Variants in HMMR observed in about 807,000 individuals in gnomAD.
HMMR encodes the protein hyaluronan mediated motility receptor.
A neutral mutation model predicts 101.0 loss-of-function variants in HMMR; 108 were observed. That is an observed-to-expected ratio of 1.07 (90% CI 0.92 to 1.25). The LOEUF (loss-of-function observed/expected upper bound fraction) is 1.25, where lower values mean the gene tolerates loss of function less well. Among genes scored for constraint, HMMR ranks in the 50% most tolerant of loss-of-function variants. The pLI, the probability that HMMR is intolerant of heterozygous loss-of-function variation, is 0.00. For synonymous variants in HMMR, 296 were observed against 276.4 expected (o/e 1.07, Z -0.70); for missense variants, 813 against 788.7 (o/e 1.03, Z -0.37).
chr5:163,478,712 G>A lies in HMMR; in HGVS notation c.1297G>A (p.Ala433Thr). 6.2e-7 allele frequency: 1 copy of A among 1,612,744 alleles called. No homozygotes were observed. The highest frequency in any genetic ancestry group is 2.2e-5 in the East Asian group (1 of 44,848). ...GGAGGCTGAACTGGAGAAAAGTAGT[G>A]CTGCTCATACCCAGGCCACCCTGCT... ...GKEAELEKSS[A>T]AHTQATLLLQ... is the part of the protein sequence containing the mutation. Residue 433 changes from alanine (A) to threonine (T), a missense_variant, in exon 12 of 18, where the codon GCT becomes ACT. Ala to Thr is a moderately conservative substitution (Grantham distance 58, BLOSUM62 0). Coordinates refer to ENST00000393915, the MANE Select transcript of HMMR (RefSeq NM_001142556.2).
Position 163,484,200 on chromosome 5 carries a change from C to G in HMMR, c.1917C>G (p.Ile639Met), listed in dbSNP as rs1340908256. ...LLGHQNLKQK[I>M]KHVVKLKDEN... ...GTCATCAGAATTTGAAACAAAAAAT[C>G]AAGCATGTTGTGAAGTTGAAAGATG... The change falls in exon 16 of 18, where the codon ATC (isoleucine) becomes ATG (methionine). Residue 639 changes from isoleucine (I) to methionine (M), a missense_variant. By Grantham distance (10) the Ile-to-Met change is conservative (BLOSUM62 1). Coordinates refer to ENST00000393915, the MANE Select transcript of HMMR (RefSeq NM_001142556.2). 2.5e-6 allele frequency: 4 copies of G among 1,603,254 alleles called. No individual in the cohort carries two copies. In the African/African-American group the frequency reaches 5.4e-5, roughly 22 times the overall value.
intron 7 of HMMR, among the ~76,000 whole-genome samples, chr5:163,472,222 G>A (rs924494131): frequency 1.3e-5 from 2 of 151,924 alleles, no homozygotes; most frequent in Admixed American, 6.6e-5. Flanking sequence ...AAGAGCATGT[G>A]TGTGTGTTGC....
intron 15 of HMMR, among the ~76,000 whole-genome samples, chr5:163,483,582 A>G (rs908024204): frequency 2.0e-5 from 3 of 152,144 alleles, no homozygotes; most frequent in African/African-American, 7.2e-5. Context: ...TTTAATTGAC[A>G]TAATTTTTTC....
At chr5:163,465,426 A>G (rs1181639497) in intron 3 of HMMR, among the ~76,000 whole-genome samples, 1 of 152,038 alleles carries the variant, frequency 6.6e-6, no homozygotes, top group Non-Finnish European at 1.5e-5. Context: ...CTCTGTCCCC[A>G]CAGGCTCAAG....
chr5:163,486,251 C>T (rs1250467433), intron 16 of HMMR, among the ~76,000 whole-genome samples: 5 of 152,154 alleles, frequency 3.3e-5, no homozygotes, highest in Non-Finnish European at 7.4e-5. Context: ...TAGGTTAAGT[C>T]TTCTAATACA....
At chr5:163,468,719 G>A (rs1381282632) in intron 4 of HMMR, among the ~76,000 whole-genome samples, 1 of 152,118 alleles carries the variant, frequency 6.6e-6, no homozygotes, top group African/African-American at 2.4e-5. Flanking sequence ...GAGATAGCTG[G>A]TAAGTGAGTG....
At chr5:163,477,770 G>T (rs1041637577) in intron 11 of HMMR, among the ~76,000 whole-genome samples, 1 of 151,908 alleles carries the variant, frequency 6.6e-6, no homozygotes, top group Non-Finnish European at 1.5e-5. Context: ...TTTATTAGAT[G>T]GTCTCTAAGA....
In HMMR at chr5:163,460,732, C is replaced by G; in HGVS notation, c.40C>G (p.Pro14Ala). 6.2e-7 allele frequency: 1 copy of G among 1,607,608 alleles called. No individual in the cohort carries two copies. Among genetic ancestry groups the G allele is most frequent in the Non-Finnish European group, 8.5e-7 (1 of 1,176,926 alleles). ...GGCGCCCTTGAAACGATTCAATGAC[C>G]CTTCTGGTGCGTAAGGGGGAAAGAG... Reference protein sequence around the residue: ...PKAPLKRFNDPSGCAPSPGAY... With the variant: ...PKAPLKRFNDASGCAPSPGAY... The change falls in exon 1 of 18, where the codon CCT (proline) becomes GCT (alanine). Residue 14 changes from proline (P) to alanine (A), a missense_variant. Transcript: ENST00000393915.
chr5:163,461,924 T>C (rs926694134), intron 1 of HMMR, among the ~76,000 whole-genome samples: 3 of 152,042 alleles, frequency 2.0e-5, no homozygotes, highest in Non-Finnish European at 4.4e-5. Context: ...GCACAATCAG[T>C]AAGTGGTAGA....
intron 4 of HMMR, among the ~76,000 whole-genome samples, chr5:163,468,341 T>C (rs1056659478): frequency 3.3e-5 from 5 of 152,212 alleles, no homozygotes; most frequent in Admixed American, 1.3e-4. Context: ...GATTGGCAGC[T>C]ACCATACTGG....
chr5:163,463,793 A>G, intron 1 of HMMR, 63 bp from the exon 2 acceptor site: 1 of 614,918 alleles, frequency 1.6e-6, no homozygotes, highest in Non-Finnish European at 2.6e-6. Context: ...TTATTATGAC[A>G]TGTTTTAACT....
chr5:163,485,735 G>A (rs1759457528), intron 16 of HMMR, among the ~76,000 whole-genome samples: 1 of 152,040 alleles, frequency 6.6e-6, no homozygotes, highest in African/African-American at 2.4e-5. Context: ...TTCAAGGTCA[G>A]GAAGATTTAC....
At chr5:163,482,958 A>T (rs1461975290) in intron 13 of HMMR, 62 bp from the exon 14 acceptor site, 2 of 1,474,714 alleles carry the variant, frequency 1.4e-6, no homozygotes, top group East Asian at 2.3e-5. Context: ...AAGAAAAAAA[A>T]AGGAAAAATT....
chr5:163,490,631 A>T, intron 17 of HMMR, 79 bp downstream of exon 17: 1 of 1,093,890 alleles, frequency 9.1e-7, no homozygotes, highest in Non-Finnish European at 1.4e-6. Flanking sequence ...CATCCATTTT[A>T]TGAACTGTGA....
Position 163,461,786 on chromosome 5 carries a change from GA to G in HMMR, c.46+1060del, listed in dbSNP as rs902821024. Among the ~76,000 whole-genome samples the G allele has an allele frequency of 5.9e-4, 85 of 143,624 alleles. 1 individual carries two copies. The highest frequency in any genetic ancestry group is 1.1e-3 in the African/African-American group (42 of 39,446). The allele number at this position is 143,624 out of a possible 152,430, so 94.2% of individuals were successfully genotyped here. A position where few individuals can be genotyped will look rare whatever the true frequency, so the allele number is the denominator to read the frequency against. The stretch of plus-strand genomic sequence containing the variant: ...CGACAGAGCAAGACTCTGTCTTACA[GA>G]AAAAAAAAAAATGCTGTATGCTGGG... On this transcript the variant is annotated intron_variant, in intron 1 of 17. Transcript: ENST00000393915.
intron 12 of HMMR, among the ~76,000 whole-genome samples, chr5:163,482,242 G>A (rs751570669): frequency 8.5e-5 from 13 of 152,114 alleles, no homozygotes; most frequent in Non-Finnish European, 1.5e-4. Flanking sequence ...AATGGTTCCC[G>A]TCTGTCCGCC....
At chr5:163,483,900 T>G (rs1400993608) in intron 15 of HMMR, among the ~76,000 whole-genome samples, 169 bp from the exon 16 acceptor site, 2 of 152,100 alleles carry the variant, frequency 1.3e-5, no homozygotes, top group East Asian at 3.8e-4. Context: ...AAATGAAAAA[T>G]ACAAAGTTTA....
chr5:163,480,950 T>C (rs1759232369), intron 12 of HMMR, among the ~76,000 whole-genome samples: 2 of 152,140 alleles, frequency 1.3e-5, no homozygotes, highest in African/African-American at 4.8e-5. Context: ...TTAAAATATT[T>C]ATCTGTATGT....
chr5:163,471,173 T>C lies in HMMR; in HGVS notation c.463-12T>C. On this transcript the variant is annotated splice_polypyrimidine_tract_variant and intron_variant, in intron 5 of 17. Transcript: ENST00000393915. ...AATATTTCTGAATTTTTTACGTGTTTGTTGTATTTAGTTTTCTGAAAATGG... is the reference window on the plus strand; with the variant it reads ...AATATTTCTGAATTTTTTACGTGTTCGTTGTATTTAGTTTTCTGAAAATGG... 1 of 1,510,140 alleles carries C rather than the reference T, an allele frequency of 6.6e-7. No homozygotes were observed. Among genetic ancestry groups the C allele is most frequent in the East Asian group, 2.3e-5 (1 of 44,360 alleles). The allele number at this position is 1,510,140 out of a possible 1,614,324, so 93.5% of individuals were successfully genotyped here. A position where few individuals can be genotyped will look rare whatever the true frequency, so the allele number is the denominator to read the frequency against.
Sources: gnomAD v4.1 joint callset for allele counts (sites outside exome capture counted in the v4.1 genomes callset) on GRCh38, gnomAD v4.1.1 for gene constraint, MANE v1.5 for transcripts, NCBI Gene and HGNC (gene_info 2026-07-23, HGNC 2026-07-21) for gene names.